UIMC1: variants seen among roughly 807,000 people sequenced by gnomAD.
UIMC1 encodes BRCA1-A complex subunit RAP80.
UIMC1 carries 42 observed loss-of-function variants against 84.9 expected under a neutral mutation model. The ratio of observed to expected loss-of-function variants is 0.49; its 90% confidence interval spans 0.39 to 0.64. The LOEUF (loss-of-function observed/expected upper bound fraction) is 0.64. Among genes scored for constraint, UIMC1 ranks in the 30% least tolerant of loss-of-function variants. The pLI, the probability that UIMC1 is intolerant of heterozygous loss-of-function variation, is 0.00. For missense variants in UIMC1, 825 were observed against 847.6 expected (o/e 0.97, Z 0.33); for synonymous variants, 281 against 293.0 (o/e 0.96, Z 0.42).
rs1416657374 is a variant in UIMC1, at chr5:176,957,977, T to C, written c.1262+116A>G. 8 of 861,918 alleles carry C rather than the reference T, an allele frequency of 9.3e-6. No homozygotes were observed. In the South Asian group the frequency reaches 1.7e-4, roughly 18 times the overall value. The allele number at this position is 861,918 out of a possible 1,614,324, so 53.4% of individuals were successfully genotyped here. ...TAAAATTTCTCCTAGTCTTCACTTA[T>C]AAAAGAGCTAAAAGTTCTCTGGCAA... On this transcript the variant is annotated intron_variant, in intron 7 of 14. Transcript: ENST00000511320.
upstream of UIMC1, among the ~76,000 whole-genome samples, chr5:177,007,575 G>C (rs1315786520): frequency 6.6e-6 from 1 of 152,126 alleles, no homozygotes; most frequent in African/African-American, 2.4e-5. Context: ...AACTACTTAA[G>C]TTATTGAAAT....
chr5:176,915,434 A>G (rs959752037), intron 10 of UIMC1, among the ~76,000 whole-genome samples: 3 of 151,098 alleles, frequency 2.0e-5, no homozygotes, highest in African/African-American at 7.3e-5. Context: ...AGAATATATC[A>G]TTATTTCTAT....
intron 1 of UIMC1, among the ~76,000 whole-genome samples, chr5:176,984,520 G>C (rs1362201062): frequency 6.6e-6 from 1 of 151,264 alleles, no homozygotes; most frequent in East Asian, 2.0e-4. Context: ...GCCTCTGCCT[G>C]GCCGCCCCAT....
chr5:176,977,126 G>A (rs772372933), intron 2 of UIMC1, among the ~76,000 whole-genome samples: 5 of 151,738 alleles, frequency 3.3e-5, no homozygotes, highest in Non-Finnish European at 7.4e-5. Flanking sequence ...AGGAGACTGA[G>A]GCATGAGAAT....
intron 6 of UIMC1, among the ~76,000 whole-genome samples, chr5:176,963,056 TC>T (rs1767754707): frequency 4.0e-5 from 1 of 25,076 alleles, no homozygotes; most frequent in Non-Finnish European, 6.7e-5. Flanking sequence ...AGACCTTTGT[TC>T]ACTTGTTTAT....
chr5:176,921,880 T>A (rs535665415), intron 10 of UIMC1, among the ~76,000 whole-genome samples: 1 of 152,306 alleles, frequency 6.6e-6, no homozygotes, highest in Non-Finnish European at 1.5e-5. Context: ...ATATTTGGAA[T>A]GAAGTACAAA....
chr5:176,963,979 T>C (rs1413832590), intron 6 of UIMC1, among the ~76,000 whole-genome samples: 1 of 152,214 alleles, frequency 6.6e-6, no homozygotes, highest in Non-Finnish European at 1.5e-5. Flanking sequence ...CAGGCCTTCA[T>C]TAGCAACTTT....
intron 9 of UIMC1, among the ~76,000 whole-genome samples, chr5:176,950,521 T>TA (rs1272184526): frequency 6.6e-6 from 1 of 152,078 alleles, no homozygotes; most frequent in Non-Finnish European, 1.5e-5. Flanking sequence ...TTTTAAGATT[T>TA]AAAAATTTTT....
chr5:176,991,729 G>A (rs557084197), intron 1 of UIMC1, among the ~76,000 whole-genome samples: 6 of 151,170 alleles, frequency 4.0e-5, no homozygotes, highest in South Asian at 4.2e-4. Context: ...TCAGGAGATC[G>A]AAACCATCCT....
chr5:176,958,488 G>C (rs1023504269), intron 6 of UIMC1, among the ~76,000 whole-genome samples: 2 of 152,188 alleles, frequency 1.3e-5, no homozygotes, highest in African/African-American at 4.8e-5. Context: ...TTCATAACAT[G>C]CAAGACCTGT....
At chr5:177,005,061 AT>A (rs925952557) in intron 1 of UIMC1, among the ~76,000 whole-genome samples, 53 of 146,930 alleles carry the variant, frequency 3.6e-4, no homozygotes, top group Admixed American at 4.1e-4. Flanking sequence ...CGCCCAGCTA[AT>A]TTTTTTTTTT....
intron 7 of UIMC1, 59 bp downstream of exon 7, chr5:176,958,034 C>A (rs1372965417): frequency 1.3e-6 from 2 of 1,549,548 alleles, no homozygotes; most frequent in Admixed American, 1.7e-5. Flanking sequence ...TCATGTGGTT[C>A]ATCTCCCTTA....
At chr5:176,962,026 G>A (rs1238483440) in intron 6 of UIMC1, among the ~76,000 whole-genome samples, 2 of 47,948 alleles carry the variant, frequency 4.2e-5, no homozygotes, top group Non-Finnish European at 8.1e-5. Context: ...CAGCCGCCCC[G>A]TCCGGGAGGT....
intron 10 of UIMC1, among the ~76,000 whole-genome samples, chr5:176,927,224 AAG>A (rs201138518): frequency 0.38 from 52,953 of 137,608 alleles, 9,718 homozygotes; most frequent in East Asian, 0.44. Flanking sequence ...AAAAAAAAAA[AAG>A]CACCAGTAGT....
chr5:176,906,573 A>G (rs948140630), intron 13 of UIMC1, among the ~76,000 whole-genome samples: 1 of 152,252 alleles, frequency 6.6e-6, no homozygotes, highest in African/African-American at 2.4e-5. Flanking sequence ...TCAAGAGCCT[A>G]CTTATGCCAG....
chr5:177,003,912 T>C (rs1043385622), intron 1 of UIMC1, among the ~76,000 whole-genome samples: 1 of 152,154 alleles, frequency 6.6e-6, no homozygotes, highest in Non-Finnish European at 1.5e-5. Flanking sequence ...CACTGCAGCC[T>C]CGACTTCCCA....
intron 1 of UIMC1, among the ~76,000 whole-genome samples, chr5:177,018,791 A>T (rs1347914249): frequency 7.2e-5 from 11 of 152,198 alleles, no homozygotes; most frequent in Non-Finnish European, 1.6e-4. Flanking sequence ...ACAGGGGATG[A>T]ACCCTGACAG....
At chr5:176,989,380 C>G (rs1322462527) in intron 1 of UIMC1, among the ~76,000 whole-genome samples, 2 of 152,134 alleles carry the variant, frequency 1.3e-5, no homozygotes, top group South Asian at 4.1e-4. Context: ...AAAAAATTAG[C>G]CAGGCGCAGT....
intron 9 of UIMC1, among the ~76,000 whole-genome samples, chr5:176,946,422 G>A (rs1210691257): frequency 6.6e-6 from 1 of 152,072 alleles, no homozygotes; most frequent in Non-Finnish European, 1.5e-5. Flanking sequence ...TGAGGCAGGA[G>A]AATCACTTAA....
Sources: gnomAD v4.1 joint callset for allele counts (sites outside exome capture counted in the v4.1 genomes callset) on GRCh38, gnomAD v4.1.1 for gene constraint, MANE v1.5 for transcripts, NCBI Gene and HGNC (gene_info 2026-07-23, HGNC 2026-07-21) for gene names.